Variants in RUNX3 observed in about 807,000 individuals in gnomAD.
RUNX3 encodes RUNX family transcription factor 3.
RUNX3 carries 10 observed loss-of-function variants against 27.7 expected under a neutral mutation model. That is an observed-to-expected ratio of 0.36 (90% CI 0.22 to 0.61). RUNX3 has a LOEUF of 0.61. Among genes scored for constraint, RUNX3 ranks in the 20% least tolerant of loss-of-function variants. The pLI is 0.72. For missense variants in RUNX3, 469 were observed against 629.5 expected, an observed-to-expected ratio of 0.75 and a Z score of 2.73; for synonymous variants, 270 against 269.2, an observed-to-expected ratio of 1.00 and a Z score of -0.03.
intron 2 of RUNX3, 145 bp from the exon 3 acceptor site, chr1:24,919,489 C>A: frequency 1.8e-6 from 1 of 558,614 alleles, no homozygotes; most frequent in Non-Finnish European, 3.2e-6. Context: ...GAAGATAGGG[C>A]TCTGGGTGAA....
chr1:24,926,147 G>T (rs1409492083), intron 2 of RUNX3, among the ~76,000 whole-genome samples: 1 of 152,158 alleles, frequency 6.6e-6, no homozygotes, highest in African/African-American at 2.4e-5. Flanking sequence ...ACATACCTGG[G>T]CTAGCAGACC....
chr1:24,910,186 G>A (rs1445622344), intron 3 of RUNX3, among the ~76,000 whole-genome samples: 5 of 151,910 alleles, frequency 3.3e-5, no homozygotes. Flanking sequence ...CTACTTGGGA[G>A]GCTGAGGCAG....
intron 2 of RUNX3, among the ~76,000 whole-genome samples, chr1:24,921,737 C>T (rs976437745): frequency 6.6e-6 from 1 of 152,186 alleles, no homozygotes; most frequent in East Asian, 1.9e-4. Context: ...CCAGCATTGT[C>T]CAGCACCTTC....
intron 2 of RUNX3, among the ~76,000 whole-genome samples, chr1:24,922,747 G>A (rs1641022790): frequency 6.8e-6 from 1 of 147,566 alleles, no homozygotes; most frequent in South Asian, 2.2e-4. Context: ...AGAAAGGTGT[G>A]CGGGCTTCAC....
chr1:24,934,238 T>G (rs1311090009), upstream of RUNX3, among the ~76,000 whole-genome samples: 1 of 152,234 alleles, frequency 6.6e-6, no homozygotes, highest in Non-Finnish European at 1.5e-5. Flanking sequence ...ATATCTGGGT[T>G]GAGGGGTTGT....
intron 2 of RUNX3, among the ~76,000 whole-genome samples, chr1:24,958,215 G>A (rs188699221): frequency 2.5e-4 from 38 of 152,338 alleles, no homozygotes; most frequent in Non-Finnish European, 4.9e-4. Flanking sequence ...TTTGAGGTCA[G>A]TGTTACTAGC....
chr1:24,909,759 C>T (rs981649452), intron 3 of RUNX3, among the ~76,000 whole-genome samples: 15 of 152,222 alleles, frequency 9.9e-5, no homozygotes, highest in Admixed American at 8.5e-4. Flanking sequence ...CCAGGGCTGA[C>T]CCGAGGAAAG....
Position 24,930,114 on chromosome 1 carries a change from G to A in RUNX3, c.-246C>T, listed in dbSNP as rs1641188827. On this transcript the variant is annotated 5_prime_UTR_variant, in exon 1 of 5. Transcript: ENST00000308873. This position sits in a 1 kb window ranked among gnomAD's most constrained non-coding sequence, Gnocchi z 4.1. Reference sequence around the variant, plus strand: ...GCTAGTCCCGCATCCTCGGCGCGCGGCCCCGCGTGCGGCCGCCCCTCGTGG... The same window carrying A: ...GCTAGTCCCGCATCCTCGGCGCGCGACCCCGCGTGCGGCCGCCCCTCGTGG... 1.0e-6 allele frequency: 1 copy of A among 979,086 alleles called. No individual in the cohort carries two copies. Among genetic ancestry groups the A allele is most frequent in the South Asian group, 4.7e-5 (1 of 21,206 alleles). The allele number at this position is 979,086 out of a possible 1,614,324, so 60.6% of individuals were successfully genotyped here. A position where few individuals can be genotyped will look rare whatever the true frequency, so the allele number is the denominator to read the frequency against.
chr1:24,931,642 A>G (rs1222173420), upstream of RUNX3, among the ~76,000 whole-genome samples: 1 of 152,078 alleles, frequency 6.6e-6, no homozygotes, highest in African/African-American at 2.4e-5. Flanking sequence ...GAAGCTTAGG[A>G]TCCGACGGTG....
chr1:24,923,796 C>T lies in RUNX3; in HGVS notation c.439+3778G>A, dbSNP rs561339673. ...ACCAGCGGTTCCCCTCAGCCTGCACCGGCACACTGCACCCCGAATCTCTGT... is the reference window on the plus strand; with the variant it reads ...ACCAGCGGTTCCCCTCAGCCTGCACTGGCACACTGCACCCCGAATCTCTGT... On this transcript the variant is annotated intron_variant, in intron 2 of 4. Transcript: ENST00000308873. This position sits in a 1 kb window ranked among gnomAD's most constrained non-coding sequence, Gnocchi z 5.9. 7.6e-4 allele frequency among the ~76,000 whole-genome samples: 115 copies of T among 152,304 alleles called. No homozygotes were observed. Among genetic ancestry groups the T allele is most frequent in the African/African-American group, 2.2e-3 (93 of 41,554 alleles).
rs552311024 is a variant in RUNX3, at chr1:24,924,012, C to T, written c.439+3562G>A. Reference sequence around the variant, plus strand: ...GCGTGTATGTGGTGGGGGATGCCAGCACCCAACGCTGCCCAGGGTGGTGAA... The same window carrying T: ...GCGTGTATGTGGTGGGGGATGCCAGTACCCAACGCTGCCCAGGGTGGTGAA... On this transcript the variant is annotated intron_variant, in intron 2 of 4. Coordinates refer to ENST00000308873, the MANE Select transcript of RUNX3 (RefSeq NM_004350.3). 5.3e-5 allele frequency among the ~76,000 whole-genome samples: 8 copies of T among 150,886 alleles called. No individual in the cohort carries two copies. In the South Asian group the frequency reaches 1.7e-3, roughly 32 times the overall value.
At chr1:24,933,717 G>A (rs780830324), upstream of RUNX3, among the ~76,000 whole-genome samples, 2 of 152,122 alleles carry the variant, frequency 1.3e-5, no homozygotes, top group African/African-American at 4.8e-5. Flanking sequence ...CCTCACTTTC[G>A]CCCCCAGCCG....
chr1:24,931,489 A>G (rs1316402636), upstream of RUNX3, among the ~76,000 whole-genome samples: 2 of 152,086 alleles, frequency 1.3e-5, no homozygotes, highest in Non-Finnish European at 2.9e-5. Context: ...AATCATTCCG[A>G]ATTATCGCCC....
At chr1:24,922,345 AG>A (rs1164281043) in intron 2 of RUNX3, among the ~76,000 whole-genome samples, 14 of 152,064 alleles carry the variant, frequency 9.2e-5, no homozygotes, top group Non-Finnish European at 1.5e-5. Context: ...GGCTCCGTAG[AG>A]TTGAATGAGC....
Position 24,930,096 on chromosome 1 carries a change from C to T in RUNX3, c.-228G>A. 9.2e-6 allele frequency: 9 copies of T among 979,954 alleles called. No individual in the cohort carries two copies. Among genetic ancestry groups the T allele is most frequent in the Non-Finnish European group, 1.1e-5 (9 of 827,788 alleles). 60.7% of individuals were successfully genotyped at this position (979,954 alleles called of 1,614,324 possible). Reference sequence around the variant, plus strand: ...CCGCCCGCAGCCTGCCCGGCTAGTCCCGCATCCTCGGCGCGCGGCCCCGCG... The same window carrying T: ...CCGCCCGCAGCCTGCCCGGCTAGTCTCGCATCCTCGGCGCGCGGCCCCGCG... On this transcript the variant is annotated 5_prime_UTR_variant, in exon 1 of 5. Transcript: ENST00000308873. The surrounding 1 kb of genome is among the most constrained non-coding windows in gnomAD (Gnocchi z 4.1).
At chr1:24,921,782 G>A (rs138960076) in intron 2 of RUNX3, among the ~76,000 whole-genome samples, 1,542 of 152,264 alleles carry the variant, frequency 0.01, 14 homozygotes, top group Non-Finnish European at 0.015. Flanking sequence ...AGACAGCCCA[G>A]AGCCCTAGGG....
upstream of RUNX3, among the ~76,000 whole-genome samples, chr1:24,932,041 G>A (rs1474581641): frequency 1.3e-5 from 2 of 152,220 alleles, no homozygotes; most frequent in Non-Finnish European, 2.9e-5. Flanking sequence ...GGCCCTGGCC[G>A]GGGGCGGGCA....
chr1:24,946,769 C>T (rs572064871), intron 2 of RUNX3, among the ~76,000 whole-genome samples: 6 of 152,278 alleles, frequency 3.9e-5, no homozygotes, highest in African/African-American at 2.4e-5. Flanking sequence ...ACATCCTCCC[C>T]ACAGCTGCTC....
At position 24,916,922 on chromosome 1, in the gene RUNX3, C is replaced by T. The variant is rs1454487728; in HGVS notation, c.544+2318G>A. 6.6e-6 allele frequency among the ~76,000 whole-genome samples: 1 copy of T among 152,210 alleles called. No homozygotes were observed. Among genetic ancestry groups the T allele is most frequent in the African/African-American group, 2.4e-5 (1 of 41,450 alleles). ...GCCTCGTCCTGAGCCACGCATTTAC[C>T]TTCCAGCTCACCCCAGAAGGGGCCA... On this transcript the variant is annotated intron_variant, in intron 3 of 4. Transcript: ENST00000308873. This position sits in a 1 kb window ranked among gnomAD's most constrained non-coding sequence, Gnocchi z 4.8.
Sources: allele counts gnomAD v4.1 joint callset (sites outside exome capture counted in the v4.1 genomes callset), GRCh38; gene constraint gnomAD v4.1.1; non-coding constraint Gnocchi (gnomAD v3.1); transcripts MANE v1.5; gene names NCBI Gene and HGNC (gene_info 2026-07-23, HGNC 2026-07-21).